Variants in RETREG1 observed in about 807,000 individuals in gnomAD.
The protein encoded by RETREG1 is reticulophagy regulator 1.
A neutral mutation model predicts 54.8 loss-of-function variants in RETREG1; 44 were observed. That is an observed-to-expected ratio of 0.80 (90% CI 0.63 to 1.03). The LOEUF (loss-of-function observed/expected upper bound fraction) is 1.03. RETREG1 is among the 50% of genes least tolerant of loss of function. RETREG1 has a pLI of 0.00. For synonymous variants in RETREG1, 217 were observed against 238.5 expected (o/e 0.91, Z 0.83); for missense variants, 554 against 605.1 (o/e 0.92, Z 0.89).
intron 1 of RETREG1, among the ~76,000 whole-genome samples, chr5:16,583,637 TAAAGC>T (rs1742551355): frequency 1.3e-5 from 2 of 152,174 alleles, no homozygotes; most frequent in Admixed American, 6.6e-5. Context: ...AAATTTCCTA[TAAAGC>T]AAAGAAAAAT....
At chr5:16,486,342 G>A (rs1468958898) in intron 3 of RETREG1, among the ~76,000 whole-genome samples, 1 of 152,184 alleles carries the variant, frequency 6.6e-6, no homozygotes, top group Non-Finnish European at 1.5e-5. Flanking sequence ...ACCAAAAACA[G>A]GTGCTCCCTG....
At chr5:16,517,888 C>T in intron 3 of RETREG1, among the ~76,000 whole-genome samples, 1 of 151,786 alleles carries the variant, frequency 6.6e-6, no homozygotes, top group East Asian at 1.9e-4. Flanking sequence ...ATGAAAACAA[C>T]CTAGAGGTCT....
intron 3 of RETREG1, among the ~76,000 whole-genome samples, chr5:16,508,054 G>A (rs1019511183): frequency 2.6e-5 from 4 of 152,190 alleles, no homozygotes; most frequent in Non-Finnish European, 5.9e-5. Flanking sequence ...AATATAAACA[G>A]TGATACAATT....
intron 3 of RETREG1, among the ~76,000 whole-genome samples, chr5:16,501,462 G>A (rs1739708869): frequency 6.6e-6 from 1 of 152,232 alleles, no homozygotes; most frequent in South Asian, 2.1e-4. Flanking sequence ...ATGTAGAAGA[G>A]CTATTTATCA....
At chr5:16,556,382 G>C (rs1015927327) in intron 3 of RETREG1, among the ~76,000 whole-genome samples, 23 of 151,978 alleles carry the variant, frequency 1.5e-4, no homozygotes, top group East Asian at 1.9e-4. Flanking sequence ...GGATGGTCTC[G>C]ATCTCCTGAC....
chr5:16,565,906 C>G, intron 2 of RETREG1, 113 bp from the exon 3 acceptor site: 1 of 1,106,978 alleles, frequency 9.0e-7, no homozygotes, highest in Non-Finnish European at 1.3e-6. Context: ...AGATCTCTAA[C>G]ACTCAGGACA....
At position 16,594,108 on chromosome 5, in the gene RETREG1, C is replaced by A. The variant is rs1742841159; in HGVS notation, c.321-22006G>T. On this transcript the variant is annotated intron_variant, in intron 1 of 8. Transcript: ENST00000306320. This position sits in a 1 kb window ranked among gnomAD's most constrained non-coding sequence, Gnocchi z 4.4. ...TAAGATACAACTTGTCTGTACCAGG[C>A]AAAACCTACACACAGCAGAGATTTG... 6.6e-6 allele frequency among the ~76,000 whole-genome samples: 1 copy of A among 152,204 alleles called. No homozygotes were observed. The highest frequency in any genetic ancestry group is 2.4e-5 in the African/African-American group (1 of 41,448).
chr5:16,523,887 C>T (rs889331015), intron 3 of RETREG1, among the ~76,000 whole-genome samples: 4 of 152,138 alleles, frequency 2.6e-5, no homozygotes, highest in African/African-American at 9.7e-5. Context: ...TTGATGTTCA[C>T]GTTTGTTTCA....
intron 1 of RETREG1, among the ~76,000 whole-genome samples, chr5:16,606,440 C>G (rs1429334514): frequency 6.6e-6 from 1 of 152,172 alleles, no homozygotes; most frequent in Non-Finnish European, 1.5e-5. Flanking sequence ...CTCCATACTT[C>G]AAACTCAACC....
In RETREG1 at chr5:16,474,821, G is replaced by A; in HGVS notation, c.1414C>T (p.Leu472Phe). 1 of 1,613,864 alleles carries A rather than the reference G, an allele frequency of 6.2e-7. No homozygotes were observed. The highest frequency in any genetic ancestry group is 8.5e-7 in the Non-Finnish European group (1 of 1,179,918). Residue 472 changes from leucine to phenylalanine, a missense_variant, in exon 9 of 9, where the codon CTT (leucine) becomes TTT (phenylalanine). Leu to Phe is a conservative substitution (Grantham distance 22). Coordinates refer to ENST00000306320, the MANE Select transcript of RETREG1 (RefSeq NM_001034850.3). Reference protein sequence around the residue: ...ELDQIESELGLTQDQEAEAQQ... With the variant: ...ELDQIESELGFTQDQEAEAQQ... ...GCTTCTGCTTCCTGGTCTTGTGTAA[G>A]TCCCAATTCACTCTCAATTTGATCC...
At chr5:16,550,500 T>C (rs557363047) in intron 3 of RETREG1, among the ~76,000 whole-genome samples, 13 of 152,236 alleles carry the variant, frequency 8.5e-5, no homozygotes, top group East Asian at 5.8e-4. Context: ...AGTCCACCTG[T>C]CCCCCAGACA....
chr5:16,542,862 C>A (rs957502912), intron 3 of RETREG1, among the ~76,000 whole-genome samples: 1 of 152,192 alleles, frequency 6.6e-6, no homozygotes, highest in South Asian at 2.1e-4. Flanking sequence ...CTACAATAAA[C>A]TGCGCATAAG....
At chr5:16,564,884 A>C (rs2126628277) in intron 3 of RETREG1, among the ~76,000 whole-genome samples, 1 of 152,374 alleles carries the variant, frequency 6.6e-6, no homozygotes, top group South Asian at 2.1e-4. Context: ...AAGGTGCGTT[A>C]CATAAAATAC....
intron 3 of RETREG1, among the ~76,000 whole-genome samples, chr5:16,554,794 G>A (rs886658651): frequency 1.3e-5 from 2 of 152,106 alleles, no homozygotes; most frequent in African/African-American, 4.8e-5. Flanking sequence ...CAGTCACTAT[G>A]GCTACATACC....
At chr5:16,490,402 A>G (rs577547706) in intron 3 of RETREG1, among the ~76,000 whole-genome samples, 4 of 152,350 alleles carry the variant, frequency 2.6e-5, no homozygotes, top group African/African-American at 9.6e-5. Context: ...AGTTTTATTT[A>G]GGTGGCAATT....
At chr5:16,612,412 G>T (rs1481814339) in intron 1 of RETREG1, among the ~76,000 whole-genome samples, 1 of 152,222 alleles carries the variant, frequency 6.6e-6, no homozygotes, top group Non-Finnish European at 1.5e-5. Flanking sequence ...AACATGGGTT[G>T]CTTCTGAGAG....
chr5:16,533,307 T>TGCTG (rs1166704938), intron 3 of RETREG1, among the ~76,000 whole-genome samples: 1 of 152,182 alleles, frequency 6.6e-6, no homozygotes, highest in Non-Finnish European at 1.5e-5. Flanking sequence ...CCTCCCAAAG[T>TGCTG]GCTGGGATTA....
At chr5:16,570,355 G>A (rs1742142501) in intron 2 of RETREG1, among the ~76,000 whole-genome samples, 1 of 152,228 alleles carries the variant, frequency 6.6e-6, no homozygotes, top group Non-Finnish European at 1.5e-5. Context: ...CGATCTGTGT[G>A]TGAGGGGCCA....
Position 16,562,991 on chromosome 5 carries a change from G to A in RETREG1, c.458+2772C>T, listed in dbSNP as rs376496902. ...AGGATGCTATTAATGGGGGGATGGG[G>A]GGGACTGTTTCCAGGAGGTGGGGAG... On this transcript the variant is annotated intron_variant, in intron 3 of 8. Transcript: ENST00000306320. Among the ~76,000 whole-genome samples, 189 of 152,256 alleles carry A rather than the reference G, an allele frequency of 1.2e-3. 1 individual carries two copies. The highest frequency in any genetic ancestry group is 4.3e-3 in the African/African-American group (178 of 41,556).
Sources: gnomAD v4.1 joint callset for allele counts (sites outside exome capture counted in the v4.1 genomes callset) on GRCh38, gnomAD v4.1.1 for gene constraint, Gnocchi (gnomAD v3.1) non-coding constraint, MANE v1.5 for transcripts, NCBI Gene and HGNC (gene_info 2026-07-23, HGNC 2026-07-21) for gene names.